Variants in TRIM9 observed in about 807,000 individuals in gnomAD.
TRIM9 encodes the protein tripartite motif containing 9.
TRIM9 carries 26 observed loss-of-function variants against 78.3 expected under a neutral mutation model. The ratio of observed to expected loss-of-function variants is 0.33; its 90% CI spans 0.24 to 0.46. The LOEUF is 0.46. Among genes scored for constraint, TRIM9 ranks in the 20% least tolerant of loss-of-function variants. The pLI, the probability that TRIM9 is intolerant of heterozygous loss-of-function variation, is 1.00. For missense variants in TRIM9, 787 were observed against 1,036.4 expected (o/e 0.76, Z 3.30); for synonymous variants, 398 against 416.5 (o/e 0.96, Z 0.54).
At chr14:51,048,196 A>T (rs1403438051) in intron 1 of TRIM9, among the ~76,000 whole-genome samples, 1 of 152,164 alleles carries the variant, frequency 6.6e-6, no homozygotes, top group East Asian at 1.9e-4. Flanking sequence ...CAGTTTCCTA[A>T]AAGCTTTGGG....
chr14:51,077,977 T>C (rs2062955677), intron 1 of TRIM9, among the ~76,000 whole-genome samples: 1 of 152,238 alleles, frequency 6.6e-6, no homozygotes, highest in African/African-American at 2.4e-5. Flanking sequence ...TCTCCCTCAC[T>C]GTGTGAACGA....
intron 1 of TRIM9, among the ~76,000 whole-genome samples, chr14:51,045,617 A>G (rs61985045): frequency 0.2 from 29,820 of 152,138 alleles, 3,296 homozygotes; most frequent in Non-Finnish European, 0.25. Context: ...TAAATGTGAG[A>G]TTACTGTCAT....
chr14:51,062,160 G>C (rs2061400213), intron 1 of TRIM9, among the ~76,000 whole-genome samples: 2 of 151,970 alleles, frequency 1.3e-5, no homozygotes, highest in South Asian at 4.1e-4. Flanking sequence ...TTCTTTTTAT[G>C]GTTCCTCTCT....
intron 1 of TRIM9, among the ~76,000 whole-genome samples, chr14:51,031,147 CAAAAAAAAAAAA>C (rs1210514761): frequency 9.9e-6 from 1 of 100,768 alleles, no homozygotes; most frequent in Admixed American, 1.1e-4. Context: ...AAACTCTTTC[CAAAAAAAAAAAA>C]AAAAAAGAAA....
intron 2 of TRIM9, 142 bp from the exon 3 acceptor site, chr14:51,023,099 T>C: frequency 2.7e-6 from 3 of 1,118,092 alleles, no homozygotes; most frequent in Admixed American, 2.7e-5. Flanking sequence ...AAAAAATAAC[T>C]GGATAAACTT....
intron 1 of TRIM9, among the ~76,000 whole-genome samples, chr14:51,080,783 T>C (rs779458610): frequency 3.3e-5 from 5 of 152,080 alleles, no homozygotes; most frequent in South Asian, 2.1e-4. Flanking sequence ...TATACTGAGG[T>C]AGACTCCGTT....
chr14:51,032,851 C>G (rs1342450072), intron 1 of TRIM9, among the ~76,000 whole-genome samples: 4 of 152,292 alleles, frequency 2.6e-5, no homozygotes, highest in South Asian at 2.1e-4. Flanking sequence ...GGTTGAATAT[C>G]CCTGTTCTGA....
intron 3 of TRIM9, among the ~76,000 whole-genome samples, chr14:51,018,410 T>C (rs2057429393): frequency 6.6e-6 from 1 of 152,054 alleles, no homozygotes; most frequent in African/African-American, 2.4e-5. Flanking sequence ...CAAAGGATTA[T>C]TTGCCTGTCA....
chr14:50,988,574 CTTTTTT>C (rs67154650), intron 7 of TRIM9, among the ~76,000 whole-genome samples: 27 of 138,238 alleles, frequency 2.0e-4, no homozygotes, highest in Non-Finnish European at 2.8e-4. Flanking sequence ...ACAACCATTT[CTTTTTT>C]TTTTTTTTTT....
intron 5 of TRIM9, among the ~76,000 whole-genome samples, chr14:51,007,019 T>C (rs1410644182): frequency 6.6e-6 from 1 of 152,170 alleles, no homozygotes; most frequent in Non-Finnish European, 1.5e-5. Flanking sequence ...GACTCCACCG[T>C]GAGCAGATGG....
chr14:50,989,465 AT>A (rs902267198), intron 7 of TRIM9, among the ~76,000 whole-genome samples: 2 of 151,162 alleles, frequency 1.3e-5, no homozygotes, highest in African/African-American at 2.4e-5. Context: ...TGAGGTTGTC[AT>A]TTTTTTTTCA....
At chr14:51,019,606 A>G (rs556527453) in intron 3 of TRIM9, among the ~76,000 whole-genome samples, 12 of 152,354 alleles carry the variant, frequency 7.9e-5, no homozygotes, top group African/African-American at 2.6e-4. Context: ...GGTATCATAG[A>G]AAACAAGCCC....
chr14:51,086,850 G>A (rs978193257), intron 1 of TRIM9, among the ~76,000 whole-genome samples: 3 of 152,134 alleles, frequency 2.0e-5, no homozygotes, highest in Admixed American at 1.3e-4. Context: ...TCTTGAGACA[G>A]GCGTGTTGAG....
At chr14:51,038,867 C>T (rs2059369549) in intron 1 of TRIM9, among the ~76,000 whole-genome samples, 1 of 152,196 alleles carries the variant, frequency 6.6e-6, no homozygotes, top group Admixed American at 6.5e-5. Context: ...GGCTATGGTT[C>T]AGTTCAGAAG....
At chr14:51,033,093 C>CTTAT (rs1183097503) in intron 1 of TRIM9, among the ~76,000 whole-genome samples, 1 of 152,038 alleles carries the variant, frequency 6.6e-6, no homozygotes, top group Non-Finnish European at 1.5e-5. Context: ...TATTTATTTA[C>CTTAT]TTATTTATTT....
At chr14:51,018,370 C>A (rs1008882825) in intron 3 of TRIM9, among the ~76,000 whole-genome samples, 1 of 150,930 alleles carries the variant, frequency 6.6e-6, no homozygotes, top group Non-Finnish European at 1.5e-5. Flanking sequence ...TCCCCCCTTT[C>A]TTTCTTTCTT....
chr14:51,035,700 G>T (rs908983610), intron 1 of TRIM9, among the ~76,000 whole-genome samples: 1 of 152,136 alleles, frequency 6.6e-6, no homozygotes. Context: ...TCTGGAAAAA[G>T]GACTCATAGA....
In TRIM9 at chr14:51,006,885, T is replaced by A. The variant is rs1327316613; in HGVS notation, c.1306+2195A>T. Among the ~76,000 whole-genome samples, 7 of 152,170 alleles carry A rather than the reference T, an allele frequency of 4.6e-5. No homozygotes were observed. In the East Asian group the frequency reaches 7.7e-4, roughly 17 times the overall value. On this transcript the variant is annotated intron_variant, in intron 5 of 12. Transcript: ENST00000684578. ...TCTTACTTTTGTGCGCAGTCCTAAG[T>A]GGCCAAGTGACAGTGCTTTAGAAAT...
intron 1 of TRIM9, among the ~76,000 whole-genome samples, chr14:51,075,037 G>A (rs1269538068): frequency 1.3e-5 from 2 of 152,212 alleles, no homozygotes; most frequent in African/African-American, 4.8e-5. Flanking sequence ...GTCAGGAACT[G>A]AGTCAGAGAA....
Sources: gnomAD v4.1 joint callset for allele counts (sites outside exome capture counted in the v4.1 genomes callset) on GRCh38, gnomAD v4.1.1 for gene constraint, MANE v1.5 for transcripts, NCBI Gene and HGNC (gene_info 2026-07-23, HGNC 2026-07-21) for gene names.